KAZN: variants seen among roughly 807,000 people sequenced by gnomAD.
The protein encoded by KAZN is kazrin.
In KAZN, 40 loss-of-function variants were observed where a neutral mutation model predicts 87.4. The ratio of observed to expected loss-of-function variants is 0.46; its 90% CI spans 0.36 to 0.60. KAZN has a LOEUF of 0.60. Ranked by LOEUF, KAZN falls within the 20% of genes least tolerant of loss-of-function variation. KAZN has a pLI of 0.00. For missense variants in KAZN, 898 were observed against 1,073.9 expected (o/e 0.84, Z 2.29); for synonymous variants, 466 against 458.3 (o/e 1.02, Z -0.22).
intron 2 of KAZN, among the ~76,000 whole-genome samples, chr1:14,975,699 G>C (rs1399464494): frequency 5.3e-5 from 8 of 152,098 alleles, no homozygotes; most frequent in Admixed American, 2.0e-4. Context: ...TGAAAAGATT[G>C]AGGCCCAGAG....
At chr1:14,604,961 A>G (rs578101277) in intron 1 of KAZN, among the ~76,000 whole-genome samples, 177 of 152,286 alleles carry the variant, frequency 1.2e-3, no homozygotes, top group African/African-American at 3.7e-3. Flanking sequence ...AGCAAGCGCT[A>G]TGTTACCTTT....
intron 2 of KAZN, among the ~76,000 whole-genome samples, chr1:14,391,091 G>A (rs1445218564): frequency 2.0e-5 from 3 of 152,160 alleles, no homozygotes; most frequent in African/African-American, 7.2e-5. Flanking sequence ...CATCAACTGG[G>A]GTAGGAGACA....
rs146073161 is a variant in KAZN at position 14,747,642 on chromosome 1, C to T, written c.226+148419C>T. On this transcript the variant is annotated intron_variant, in intron 1 of 14. Coordinates refer to ENST00000376030, the MANE Select transcript of KAZN (RefSeq NM_201628.3). ...CATTTGCGTAGTTTCCACCTTTTGG[C>T]TGTTGTGAATAATGCTGTTATGAAC... 3.7e-3 allele frequency among the ~76,000 whole-genome samples: 568 copies of T among 152,346 alleles called. 1 individual carries two copies. The highest frequency in any genetic ancestry group is 5.6e-3 in the Non-Finnish European group (381 of 68,032).
At chr1:14,099,373 C>T (rs1383734630) in intron 1 of KAZN, among the ~76,000 whole-genome samples, 3 of 152,130 alleles carry the variant, frequency 2.0e-5, no homozygotes, top group South Asian at 2.1e-4. Context: ...CTTCCTCATT[C>T]CCCTGGTTCC....
rs1263701158 is a variant in KAZN at position 14,337,448 on chromosome 1, A to G, written c.249+156856A>G. Among the ~76,000 whole-genome samples the G allele has an allele frequency of 3.3e-5, 5 of 152,358 alleles. No individual in the cohort carries two copies. The East Asian group carries it at 7.7e-4, about 23-fold the overall frequency. ...TGTTTAGAACCCTGAATTTACAAAT[A>G]CTATTTTCCCTCAATAGGTCTTGTA... On this transcript the variant is annotated intron_variant, in intron 2 of 16. Transcript: ENST00000636203.
intron 2 of KAZN, among the ~76,000 whole-genome samples, chr1:14,372,167 T>C (rs1458409382): frequency 6.6e-5 from 10 of 152,224 alleles, no homozygotes; most frequent in Non-Finnish European, 1.5e-4. Context: ...TCAAAGATTG[T>C]TAACTGTTTA....
chr1:14,795,938 G>A (rs1010193757), intron 1 of KAZN, among the ~76,000 whole-genome samples: 1 of 152,076 alleles, frequency 6.6e-6, no homozygotes. Flanking sequence ...CTTCCTCCCC[G>A]GGGCCTGCTG....
chr1:14,353,453 T>G (rs1658727685), intron 2 of KAZN, among the ~76,000 whole-genome samples: 1 of 152,020 alleles, frequency 6.6e-6, no homozygotes, highest in Non-Finnish European at 1.5e-5. Context: ...TCTCCTGACA[T>G]TGTGATCCAC....
chr1:14,053,081 G>A (rs1350190873), intron 1 of KAZN, among the ~76,000 whole-genome samples: 2 of 152,210 alleles, frequency 1.3e-5, no homozygotes, highest in Non-Finnish European at 2.9e-5. Context: ...CCGTGAGTCT[G>A]TGATGTTACA....
chr1:14,424,210 G>A (rs1454690434), intron 2 of KAZN, among the ~76,000 whole-genome samples: 2 of 152,202 alleles, frequency 1.3e-5, no homozygotes, highest in African/African-American at 4.8e-5. Flanking sequence ...AGATTGTCAT[G>A]AAGATAAAAG....
chr1:14,990,746 A>G (rs1006395465), intron 2 of KAZN, among the ~76,000 whole-genome samples: 3 of 151,730 alleles, frequency 2.0e-5, no homozygotes, highest in South Asian at 2.1e-4. Context: ...TGCCTGTTAT[A>G]TGTTGTTATG....
At chr1:14,495,854 G>T (rs1669914044) in intron 2 of KAZN, among the ~76,000 whole-genome samples, 1 of 152,150 alleles carries the variant, frequency 6.6e-6, no homozygotes, top group African/African-American at 2.4e-5. Flanking sequence ...TATAACATTG[G>T]AAGGAAAGGG....
chr1:14,387,594 T>TGC (rs1404254707), intron 2 of KAZN, among the ~76,000 whole-genome samples: 7 of 152,180 alleles, frequency 4.6e-5, no homozygotes, highest in Non-Finnish European at 1.0e-4. Flanking sequence ...AGTCTGCCCC[T>TGC]GCTTGGGGGG....
At chr1:14,411,605 G>A (rs1288433014) in intron 2 of KAZN, among the ~76,000 whole-genome samples, 1 of 152,176 alleles carries the variant, frequency 6.6e-6, no homozygotes, top group Admixed American at 6.5e-5. Flanking sequence ...CCCCTGGCAA[G>A]ACTAAATTTC....
intron 1 of KAZN, among the ~76,000 whole-genome samples, chr1:14,610,783 C>T (rs935197799): frequency 6.6e-6 from 1 of 151,932 alleles, no homozygotes; most frequent in Non-Finnish European, 1.5e-5. Context: ...CTTTGGGTAC[C>T]GGAGCCAGGA....
At chr1:14,068,928 A>G (rs1263123999) in intron 1 of KAZN, among the ~76,000 whole-genome samples, 1 of 151,512 alleles carries the variant, frequency 6.6e-6, no homozygotes, top group Non-Finnish European at 1.5e-5. Flanking sequence ...CCTCCTGAGT[A>G]GCTGGGACTA....
At chr1:14,919,574 A>G (rs574314047) in intron 1 of KAZN, among the ~76,000 whole-genome samples, 4 of 152,328 alleles carry the variant, frequency 2.6e-5, no homozygotes, top group African/African-American at 9.6e-5. Context: ...TTACAAAACT[A>G]TGGGGTGTTA....
chr1:13,922,362 A>G (rs1246621758), intron 1 of KAZN, among the ~76,000 whole-genome samples: 1 of 152,218 alleles, frequency 6.6e-6, no homozygotes, highest in Non-Finnish European at 1.5e-5. Context: ...GGCCTCTAAC[A>G]TAGCACTTCA....
intron 1 of KAZN, among the ~76,000 whole-genome samples, chr1:14,022,280 A>G (rs77041063): frequency 0.026 from 4,014 of 151,842 alleles, 173 homozygotes; most frequent in African/African-American, 0.091. Context: ...ATCTAATCTG[A>G]GTGGTTTAAA....
Sources: allele counts gnomAD v4.1 joint callset (sites outside exome capture counted in the v4.1 genomes callset), GRCh38; gene constraint gnomAD v4.1.1; transcripts MANE v1.5; gene names NCBI Gene and HGNC (gene_info 2026-07-23, HGNC 2026-07-21).